Variants in EVI5 observed in about 807,000 individuals in gnomAD.
EVI5 encodes ecotropic viral integration site 5 protein homolog.
EVI5 carries 73 observed loss-of-function variants against 112.0 expected under a neutral mutation model. The ratio of observed to expected loss-of-function variants is 0.65; its 90% CI spans 0.54 to 0.79. The LOEUF (loss-of-function observed/expected upper bound fraction) is 0.79, where lower values mean the gene tolerates loss of function less well. EVI5 is among the 30% of genes least tolerant of loss of function. The probability of loss-of-function intolerance (pLI) is 0.00; values close to 1 mark genes in which losing one functional copy is unlikely to be tolerated. For synonymous variants in EVI5, 305 were observed against 319.9 expected, an observed-to-expected ratio of 0.95 and a Z score of 0.50; for missense variants, 900 against 968.8, an observed-to-expected ratio of 0.93 and a Z score of 0.94.
Position 92,593,165 on chromosome 1 carries a change from T to A in EVI5, c.2070+12142A>T, listed in dbSNP as rs572298730. ...TCCCTGATGAACATCGATGCAAATATCCTCAATATAATACTGGCAAACTGA... is the reference window on the plus strand; with the variant it reads ...TCCCTGATGAACATCGATGCAAATAACCTCAATATAATACTGGCAAACTGA... On this transcript the variant is annotated intron_variant, in intron 18 of 19. Coordinates refer to ENST00000684568, the MANE Select transcript of EVI5 (RefSeq NM_001350197.2). 8.0e-4 allele frequency among the ~76,000 whole-genome samples: 122 copies of A among 152,264 alleles called. No individual in the cohort carries two copies. The South Asian group carries it at 0.013, about 17-fold the overall frequency.
rs186023451 is a variant in EVI5, at chr1:92,678,892, G to C, written c.1098-1674C>G. Among the ~76,000 whole-genome samples the C allele has an allele frequency of 2.6e-5, 4 of 152,314 alleles. No homozygotes were observed. In the East Asian group the frequency reaches 5.8e-4, roughly 22 times the overall value. Reference sequence around the variant, plus strand: ...GTTGTTATACCCACTCTGGGGTTTAGAAAGCTTGAGAAACTTCTGTATAGT... The same window carrying C: ...GTTGTTATACCCACTCTGGGGTTTACAAAGCTTGAGAAACTTCTGTATAGT... On this transcript the variant is annotated intron_variant, in intron 9 of 19. Transcript: ENST00000684568.
chr1:92,746,352 T>C (rs1679242934), intron 1 of EVI5, among the ~76,000 whole-genome samples: 2 of 152,198 alleles, frequency 1.3e-5, no homozygotes, highest in Non-Finnish European at 1.5e-5. Context: ...TTAATTTTGA[T>C]TGTTAAATAG....
intron 19 of EVI5, among the ~76,000 whole-genome samples, chr1:92,538,485 C>A (rs565569859): frequency 6.6e-6 from 1 of 152,270 alleles, no homozygotes; most frequent in African/African-American, 2.4e-5. Flanking sequence ...AGAGGAAATT[C>A]TTGTTCTCTA....
chr1:92,600,720 T>C (rs1463878452), intron 18 of EVI5, among the ~76,000 whole-genome samples: 1 of 152,182 alleles, frequency 6.6e-6, no homozygotes, highest in East Asian at 1.9e-4. Context: ...AATCTAATGA[T>C]GCCACTGATC....
At chr1:92,550,007 C>T (rs1666516167) in intron 19 of EVI5, among the ~76,000 whole-genome samples, 1 of 152,122 alleles carries the variant, frequency 6.6e-6, no homozygotes, top group South Asian at 2.1e-4. Context: ...GGGTATATAC[C>T]CAAAGGATTA....
intron 6 of EVI5, among the ~76,000 whole-genome samples, chr1:92,697,433 G>A (rs571461694): frequency 7.0e-4 from 107 of 151,816 alleles, no homozygotes; most frequent in Non-Finnish European, 8.2e-4. Context: ...AAAAAATTAC[G>A]GGCTAGCAAA....
At chr1:92,662,999 C>T (rs1322616958) in intron 12 of EVI5, 134 bp from the exon 13 acceptor site, 1 of 365,658 alleles carries the variant, frequency 2.7e-6, no homozygotes, top group Non-Finnish European at 4.1e-6. Flanking sequence ...GAACAGCCTA[C>T]GTAATCATTA....
At chr1:92,588,233 T>C (rs1054123085) in intron 18 of EVI5, among the ~76,000 whole-genome samples, 1 of 152,218 alleles carries the variant, frequency 6.6e-6, no homozygotes, top group Admixed American at 6.5e-5. Flanking sequence ...ATCTAACTGA[T>C]CACTCCCATG....
intron 19 of EVI5, 38 bp from the exon 20 acceptor site, chr1:92,514,008 G>A (rs1470194542): frequency 7.9e-7 from 1 of 1,258,246 alleles, no homozygotes; most frequent in Admixed American, 2.3e-5. Flanking sequence ...AGTCAAATGG[G>A]GGAAACACAC....
In EVI5 at chr1:92,566,710, T is replaced by C. The variant is rs539592957; in HGVS notation, c.2071-2973A>G. 7.2e-5 allele frequency among the ~76,000 whole-genome samples: 11 copies of C among 152,008 alleles called. No homozygotes were observed. In the East Asian group the frequency reaches 2.1e-3, roughly 29 times the overall value. On this transcript the variant is annotated intron_variant, in intron 18 of 19. Transcript: ENST00000684568. ...GCTCCATGTGTAATACTATTGCCCC[T>C]GAAGATCTTCCAGTGGGACAAGATG...
intron 19 of EVI5, among the ~76,000 whole-genome samples, chr1:92,525,458 G>A (rs1661719932): frequency 6.6e-6 from 1 of 151,762 alleles, no homozygotes; most frequent in African/African-American, 2.4e-5. Context: ...TAGTAAAGAT[G>A]GGGTTTTGCC....
At chr1:92,677,992 G>C (rs1667010548) in intron 9 of EVI5, among the ~76,000 whole-genome samples, 1 of 152,094 alleles carries the variant, frequency 6.6e-6, no homozygotes, top group South Asian at 2.1e-4. Context: ...ACAACTAGGA[G>C]CTAAACACTG....
chr1:92,662,524 A>G (rs1429687224), intron 13 of EVI5, among the ~76,000 whole-genome samples, 195 bp downstream of exon 13: 1 of 152,230 alleles, frequency 6.6e-6, no homozygotes, highest in African/African-American at 2.4e-5. Context: ...TAGACAGAAA[A>G]AAAATTAGAA....
intron 18 of EVI5, among the ~76,000 whole-genome samples, chr1:92,584,090 T>C (rs1452033324): frequency 6.6e-6 from 1 of 152,198 alleles, no homozygotes; most frequent in African/African-American, 2.4e-5. Flanking sequence ...AACACAAGCG[T>C]AAAGCTTTCA....
chr1:92,715,490 G>A (rs926361084), intron 2 of EVI5, among the ~76,000 whole-genome samples: 1 of 152,164 alleles, frequency 6.6e-6, no homozygotes, highest in Non-Finnish European at 1.5e-5. Context: ...AAGGAGGCGT[G>A]TTCCAAGATG....
At chr1:92,588,595 A>G (rs1050586629) in intron 18 of EVI5, among the ~76,000 whole-genome samples, 2 of 152,156 alleles carry the variant, frequency 1.3e-5, no homozygotes, top group Middle Eastern at 3.2e-3. Context: ...CACTGTCTAA[A>G]TTTCACACCA....
chr1:92,547,062 T>G (rs12732057), intron 19 of EVI5, among the ~76,000 whole-genome samples: 3 of 152,084 alleles, frequency 2.0e-5, no homozygotes, highest in African/African-American at 7.2e-5. Context: ...TCAGCACCAC[T>G]TCACACTTAT....
At chr1:92,589,053 CAG>C (rs1444051071) in intron 18 of EVI5, among the ~76,000 whole-genome samples, 1 of 152,068 alleles carries the variant, frequency 6.6e-6, no homozygotes, top group Non-Finnish European at 1.5e-5. Context: ...ATTAGAAGAG[CAG>C]AGATACACGA....
chr1:92,717,356 C>A (rs1457890441), intron 2 of EVI5, among the ~76,000 whole-genome samples: 1 of 152,196 alleles, frequency 6.6e-6, no homozygotes, highest in East Asian at 1.9e-4. Context: ...TCAGCAGAAA[C>A]TCTACAAGCC....
Sources: gnomAD v4.1 joint callset for allele counts (sites outside exome capture counted in the v4.1 genomes callset) on GRCh38, gnomAD v4.1.1 for gene constraint, MANE v1.5 for transcripts, NCBI Gene and HGNC (gene_info 2026-07-23, HGNC 2026-07-21) for gene names.